The following THSD4 variants were observed in gnomAD, a reference collection of about 807,000 sequenced individuals.
THSD4 encodes the protein thrombospondin type 1 domain containing 4.
A neutral mutation model predicts 119.0 loss-of-function variants in THSD4; 69 were observed. The ratio of observed to expected loss-of-function variants is 0.58; its 90% CI spans 0.48 to 0.71. The LOEUF (loss-of-function observed/expected upper bound fraction) is 0.71. THSD4 is among the 30% of genes least tolerant of loss of function. THSD4 has a pLI of 0.00. For synonymous variants in THSD4, 524 were observed against 540.4 expected (o/e 0.97, Z 0.42); for missense variants, 1,393 against 1,391.1 (o/e 1.00, Z -0.02).
chr15:71,151,483 A>G (rs2040722081), intron 2 of THSD4, among the ~76,000 whole-genome samples: 1 of 152,096 alleles, frequency 6.6e-6, no homozygotes, highest in African/African-American at 2.4e-5. Flanking sequence ...GCCTGGGTGC[A>G]AGAAAGCACA....
At position 71,728,725 on chromosome 15, in the gene THSD4, G is replaced by A. The variant is rs2052914931; in HGVS notation, c.1533+1G>A. 4.3e-6 allele frequency: 7 copies of A among 1,613,918 alleles called. No homozygotes were observed. The highest frequency in any genetic ancestry group is 1.1e-5 in the South Asian group (1 of 91,082). On this transcript the variant is annotated splice_donor_variant, in intron 9 of 17. Transcript: ENST00000261862. LOFTEE classifies it high-confidence loss of function. ...CACCAACGAGATCTTGGATGTCTAC[G>A]TGAGTTTGGATGTTTCTGGACTGTT...
Position 71,420,725 on chromosome 15 carries a change from TAACA to T in THSD4, c.1152+8909_1152+8912del, listed in dbSNP as rs777275240. On this transcript the variant is annotated intron_variant, in intron 7 of 17. Transcript: ENST00000261862. The stretch of plus-strand genomic sequence containing the variant: ...ATTATCACTTAACATTTATTGCAAT[TAACA>T]AACAAAATAACAAGCAAAGAGAAAC... Among the ~76,000 whole-genome samples, 7 of 108,332 alleles carry T rather than the reference TAACA, an allele frequency of 6.5e-5. 3 individuals carry two copies. Among genetic ancestry groups the T allele is most frequent in the South Asian group, 5.8e-4 (2 of 3,466 alleles). The allele number at this position is 108,332 out of a possible 152,430, so 71.1% of individuals were successfully genotyped here. A position where few individuals can be genotyped will look rare whatever the true frequency, so the allele number is the denominator to read the frequency against.
At chr15:71,401,664 C>G (rs2046534948) in intron 6 of THSD4, among the ~76,000 whole-genome samples, 1 of 152,146 alleles carries the variant, frequency 6.6e-6, no homozygotes. Flanking sequence ...GGAGTGTAAA[C>G]TAGTTCAATC....
chr15:71,131,443 G>A (rs1424423584), intron 1 of THSD4, among the ~76,000 whole-genome samples: 4 of 150,054 alleles, frequency 2.7e-5, no homozygotes, highest in Non-Finnish European at 5.9e-5. Context: ...CTCGCGGAGC[G>A]AGTCTCACAG....
intron 6 of THSD4, among the ~76,000 whole-genome samples, chr15:71,346,173 C>T (rs891118551): frequency 1.3e-5 from 2 of 152,126 alleles, no homozygotes; most frequent in Non-Finnish European, 1.5e-5. Flanking sequence ...TGTTGACTTT[C>T]GTGACATGAT....
chr15:71,127,226 G>T (rs573201397), intron 1 of THSD4, among the ~76,000 whole-genome samples: 8 of 152,292 alleles, frequency 5.3e-5, no homozygotes, highest in African/African-American at 9.6e-5. Flanking sequence ...TGTCCTGCAG[G>T]TTCATCCATG....
chr15:71,360,152 G>A (rs1418763452), intron 6 of THSD4, among the ~76,000 whole-genome samples: 1 of 152,146 alleles, frequency 6.6e-6, no homozygotes, highest in Admixed American at 6.5e-5. Context: ...AGAGCTGGGG[G>A]CTGATGGAGA....
intron 7 of THSD4, among the ~76,000 whole-genome samples, chr15:71,512,959 A>G (rs7161811): frequency 0.14 from 20,950 of 152,250 alleles, 1,664 homozygotes; most frequent in Admixed American, 0.17. Context: ...ATCTTGGTGC[A>G]GGAAGCTCAA....
rs1555414268 is a variant in THSD4, at chr15:71,442,579, A to AATAT, written c.1152+30775_1152+30778dup. Among the ~76,000 whole-genome samples, 15 of 39,862 alleles carry AATAT rather than the reference A, an allele frequency of 3.8e-4. 1 individual carries two copies. Among genetic ancestry groups the AATAT allele is most frequent in the Non-Finnish European group, 7.9e-4 (14 of 17,796 alleles). 26.2% of individuals were successfully genotyped at this position (39,862 alleles called of 152,430 possible). On this transcript the variant is annotated intron_variant, in intron 7 of 17. Coordinates refer to ENST00000261862, the MANE Select transcript of THSD4 (RefSeq NM_024817.3). ...GCAAAACTCCATCTCAAAAAAAAAA[A>AATAT]ATATATATATATATATATATATGTG...
intron 7 of THSD4, among the ~76,000 whole-genome samples, chr15:71,574,728 A>G (rs1372784923): frequency 1.3e-5 from 2 of 152,148 alleles, no homozygotes; most frequent in Non-Finnish European, 2.9e-5. Context: ...TCTAAACATG[A>G]GGTCTTATAT....
Position 71,109,731 on chromosome 15 carries a change from G to GGAAA in THSD4, c.-80+12725_-80+12726insGAAA, listed in dbSNP as rs796609680. ...AGTGGTGAAAGGAAACACTAAAAGA[G>GGAAA]AAAAAAAAAAAAAAGGAACGTGGGA... On this transcript the variant is annotated intron_variant, in intron 1 of 17. Coordinates refer to the THSD4 transcript ENST00000355327. Among the ~76,000 whole-genome samples, 65 of 132,694 alleles carry GGAAA rather than the reference G, an allele frequency of 4.9e-4. 1 individual carries two copies. Among genetic ancestry groups the GGAAA allele is most frequent in the African/African-American group, 1.4e-3 (53 of 36,826 alleles). The allele number at this position is 132,694 out of a possible 152,430, so 87.1% of individuals were successfully genotyped here. A position where few individuals can be genotyped will look rare whatever the true frequency, so the allele number is the denominator to read the frequency against.
chr15:71,619,565 C>T (rs1300865799), intron 7 of THSD4, among the ~76,000 whole-genome samples: 3 of 152,138 alleles, frequency 2.0e-5, no homozygotes, highest in African/African-American at 7.2e-5. Flanking sequence ...GTCCTGGTCC[C>T]ATTCTACTTG....
At chr15:71,364,513 T>A (rs1388441472) in intron 6 of THSD4, among the ~76,000 whole-genome samples, 1 of 152,164 alleles carries the variant, frequency 6.6e-6, no homozygotes, top group Non-Finnish European at 1.5e-5. Flanking sequence ...AAATGATACC[T>A]CCCTCACAGA....
chr15:71,123,459 G>GT (rs1490513916), intron 1 of THSD4, among the ~76,000 whole-genome samples: 1 of 152,236 alleles, frequency 6.6e-6, no homozygotes, highest in Non-Finnish European at 1.5e-5. Flanking sequence ...CATAGGTAAG[G>GT]TGTCTGCTCA....
intron 6 of THSD4, among the ~76,000 whole-genome samples, chr15:71,381,845 T>G (rs2046233178): frequency 6.6e-6 from 1 of 152,192 alleles, no homozygotes. Context: ...TTAAACATTA[T>G]TTCTTATTTG....
At chr15:71,644,584 A>G (rs995628471) in intron 7 of THSD4, among the ~76,000 whole-genome samples, 1 of 152,156 alleles carries the variant, frequency 6.6e-6, no homozygotes, top group South Asian at 2.1e-4. Context: ...CCACCTTTGT[A>G]TTCTGTTCCT....
intron 8 of THSD4, among the ~76,000 whole-genome samples, chr15:71,680,993 A>G (rs553175694): frequency 1.4e-5 from 2 of 146,426 alleles, no homozygotes; most frequent in African/African-American, 5.1e-5. Context: ...ATCTCAGCTC[A>G]CTGCAACCTC....
rs186627955 is a variant in THSD4, at chr15:71,169,140, C to T, written c.99+14208C>T. Among the ~76,000 whole-genome samples the T allele has an allele frequency of 1.3e-5, 2 of 152,298 alleles. 1 individual carries two copies. The highest frequency in any genetic ancestry group is 1.3e-4 in the Admixed American group (2 of 15,296). On this transcript the variant is annotated intron_variant, in intron 3 of 17. Coordinates refer to ENST00000261862, the MANE Select transcript of THSD4 (RefSeq NM_024817.3). ...AGCCAGTCAATTTAAATGGCTTAAA[C>T]AGACAGTTCATGTGAGATGATATCC...
chr15:71,135,406 A>AAG (rs1555449860), intron 1 of THSD4, among the ~76,000 whole-genome samples: 52 of 151,180 alleles, frequency 3.4e-4, no homozygotes, highest in African/African-American at 1.2e-3. Flanking sequence ...AAAAAAAAAA[A>AAG]AAGAAGAAGC....
Sources: allele counts gnomAD v4.1 joint callset (sites outside exome capture counted in the v4.1 genomes callset), GRCh38; gene constraint gnomAD v4.1.1; transcripts MANE v1.5; gene names NCBI Gene and HGNC (gene_info 2026-07-23, HGNC 2026-07-21).